The following PTGES3L variants were observed in gnomAD, a reference collection of about 807,000 sequenced individuals.
PTGES3L encodes putative protein PTGES3L.
PTGES3L carries 17 observed loss-of-function variants against 25.0 expected under a neutral mutation model. The ratio of observed to expected loss-of-function variants is 0.68; its 90% confidence interval spans 0.47 to 1.02. The LOEUF is 1.02. Ranked by LOEUF, PTGES3L falls within the 50% of genes least tolerant of loss-of-function variation. The pLI is 0.00. For synonymous variants in PTGES3L, 59 were observed against 65.7 expected (o/e 0.90, Z 0.50); for missense variants, 202 against 197.5 (o/e 1.02, Z -0.14).
At chr17:42,972,906 T>C (rs2049873735) in intron 4 of PTGES3L, among the ~76,000 whole-genome samples, 1 of 137,872 alleles carries the variant, frequency 7.3e-6, no homozygotes, top group Non-Finnish European at 1.6e-5. Context: ...CCATCACATC[T>C]AGGAAGTGAT....
chr17:42,968,813 C>G lies in PTGES3L; in HGVS notation c.*335G>C. The stretch of plus-strand genomic sequence containing the variant: ...CACACATAGTAGAGATTTCTATAAT[C>G]TGCATTCTTCTTTGGCTTTTGTTTT... On this transcript the variant is annotated 3_prime_UTR_variant, in exon 7 of 7. Transcript: ENST00000591916. The G allele has an allele frequency of 3.8e-6, 1 of 262,374 alleles. No individual in the cohort carries two copies. The highest frequency in any genetic ancestry group is 2.2e-5 in the African/African-American group (1 of 45,602). 16.3% of individuals were successfully genotyped at this position (262,374 alleles called of 1,614,324 possible).
chr17:42,973,946 C>T (rs1291496751), intron 4 of PTGES3L, among the ~76,000 whole-genome samples: 1 of 140,242 alleles, frequency 7.1e-6, no homozygotes, highest in Non-Finnish European at 1.5e-5. Context: ...TGTCCCATGA[C>T]CCTGCCAAAT....
chr17:42,976,780 G>A (rs1490506387), intron 4 of PTGES3L, among the ~76,000 whole-genome samples: 1 of 152,176 alleles, frequency 6.6e-6, no homozygotes, highest in Middle Eastern at 3.2e-3. Flanking sequence ...GACGACTTTG[G>A]AGGGCCTTAA....
Position 42,968,752 on chromosome 17 carries a change from C to A in PTGES3L, c.*396G>T, listed in dbSNP as rs899670004. On this transcript the variant is annotated 3_prime_UTR_variant, in exon 7 of 7. Coordinates refer to ENST00000591916, the MANE Select transcript of PTGES3L (RefSeq NM_001261430.2). Reference sequence around the variant, plus strand: ...ACAGTTCCTAGAGATTTATTATAATCTGTTTCTTCTTTGGCTTTTTGCTTT... The same window carrying A: ...ACAGTTCCTAGAGATTTATTATAATATGTTTCTTCTTTGGCTTTTTGCTTT... 5.9e-6 allele frequency: 1 copy of A among 169,084 alleles called. No homozygotes were observed. Among genetic ancestry groups the A allele is most frequent in the Admixed American group, 6.3e-5 (1 of 15,936 alleles). 10.5% of individuals were successfully genotyped at this position (169,084 alleles called of 1,614,324 possible).
rs1381613342 is a variant in PTGES3L at position 42,969,132 on chromosome 17, T to G, written c.*16A>C. The G allele has an allele frequency of 2.0e-6, 3 of 1,532,474 alleles. No individual in the cohort carries two copies. Among genetic ancestry groups the G allele is most frequent in the East Asian group, 5.1e-5 (2 of 38,936 alleles). 94.9% of individuals were successfully genotyped at this position (1,532,474 alleles called of 1,614,324 possible). A position where few individuals can be genotyped will look rare whatever the true frequency, so the allele number is the denominator to read the frequency against. On this transcript the variant is annotated 3_prime_UTR_variant, in exon 7 of 7. Transcript: ENST00000591916. The stretch of plus-strand genomic sequence containing the variant: ...AAATAGCCACAGCTGCCTTCCCAGC[T>G]TTGCGTCACAGAAAGTTAATTACTT...
At chr17:42,975,703 G>A (rs1381769869) in intron 4 of PTGES3L, among the ~76,000 whole-genome samples, 1 of 152,130 alleles carries the variant, frequency 6.6e-6, no homozygotes, top group Non-Finnish European at 1.5e-5. Context: ...CTGAGACAGA[G>A]TCTCACTCTG....
At chr17:42,970,428 C>T in intron 5 of PTGES3L, 86 bp from the exon 6 acceptor site, 1 of 1,475,244 alleles carries the variant, frequency 6.8e-7, no homozygotes, top group Non-Finnish European at 9.4e-7. Flanking sequence ...AGAATGGTTG[C>T]AGCCAGAACT....
chr17:42,970,332 T>C lies in PTGES3L; in HGVS notation c.389A>G (p.Lys130Arg), dbSNP rs1170308305. The C allele has an allele frequency of 6.2e-7, 1 of 1,613,408 alleles. No individual in the cohort carries two copies. The highest frequency in any genetic ancestry group is 1.7e-5 in the Admixed American group (1 of 60,004). Residue 130 changes from lysine to arginine, a missense_variant, in exon 6 of 7, where the codon AAG (lysine) becomes AGG (arginine). Coordinates refer to ENST00000591916, the MANE Select transcript of PTGES3L (RefSeq NM_001261430.2). The stretch of plus-strand genomic sequence containing the variant: ...AGGTGGAGGTCTCTTGGTGCTGACC[T>C]TCTTCAAAAGCTAGTGGGAAGAAAA... ...HVEHYAELLK[K>R]VSTKRPPPAM... is the part of the protein sequence containing the mutation.
At chr17:42,971,765 C>A in intron 4 of PTGES3L, 69 bp from the exon 5 acceptor site, 4 of 1,548,768 alleles carry the variant, frequency 2.6e-6, no homozygotes, top group Non-Finnish European at 2.7e-6. Flanking sequence ...AGAGTGTGGG[C>A]ATATGCATGG....
chr17:42,970,104 G>T lies in PTGES3L; in HGVS notation c.432+185C>A, dbSNP rs560676710. Among the ~76,000 whole-genome samples, 13 of 152,180 alleles carry T rather than the reference G, an allele frequency of 8.5e-5. No homozygotes were observed. In the East Asian group the frequency reaches 2.1e-3, roughly 25 times the overall value. ...ATCGGGCCACTGCACTCCAACCTGG[G>T]CGAAAGAGTGAAACTCCTCCCCCAC... On this transcript the variant is annotated intron_variant, in intron 6 of 6. Transcript: ENST00000591916.
intron 1 of PTGES3L, 80 bp from the exon 2 acceptor site, chr17:42,979,743 C>T: frequency 2.6e-6 from 4 of 1,529,968 alleles, no homozygotes; most frequent in Non-Finnish European, 2.7e-6. Flanking sequence ...TACCCAGGGA[C>T]CTTTGATGCC....
intron 4 of PTGES3L, among the ~76,000 whole-genome samples, chr17:42,976,410 G>C (rs534243662): frequency 6.6e-6 from 1 of 151,572 alleles, no homozygotes; most frequent in African/African-American, 2.4e-5. Flanking sequence ...ACGTTGTCTC[G>C]CTCTGTCGCC....
chr17:42,970,684 A>G (rs1249947139), intron 5 of PTGES3L, among the ~76,000 whole-genome samples: 82 of 30,844 alleles, frequency 2.7e-3, no homozygotes, highest in Admixed American at 3.7e-3. Flanking sequence ...GCGCACACAC[A>G]CACACACACA....
At chr17:42,978,775 C>T (rs2050012236) in intron 4 of PTGES3L, among the ~76,000 whole-genome samples, 1 of 152,072 alleles carries the variant, frequency 6.6e-6, no homozygotes, top group South Asian at 2.1e-4. Context: ...CCGAGGCGGG[C>T]AGATCACCTG....
intron 4 of PTGES3L, among the ~76,000 whole-genome samples, chr17:42,972,538 G>A (rs1208350523): frequency 6.6e-6 from 1 of 152,276 alleles, no homozygotes. Flanking sequence ...TGGCTGGGCC[G>A]GTCTCCAGCC....
chr17:42,974,700 A>C (rs978128255), intron 4 of PTGES3L, among the ~76,000 whole-genome samples: 1 of 151,026 alleles, frequency 6.6e-6, no homozygotes, highest in African/African-American at 2.4e-5. Context: ...TGGAACCCGG[A>C]AGGTGGAGGT....
chr17:42,979,981 A>C (rs2050045898), intron 1 of PTGES3L, 65 bp downstream of exon 1: 1 of 1,500,764 alleles, frequency 6.7e-7, no homozygotes, highest in African/African-American at 1.4e-5. Context: ...AGCGCCCAGA[A>C]GACTTGGAGC....
At chr17:42,976,182 C>T (rs1186524590) in intron 4 of PTGES3L, among the ~76,000 whole-genome samples, 1 of 151,776 alleles carries the variant, frequency 6.6e-6, no homozygotes, top group Non-Finnish European at 1.5e-5. Context: ...TGGGGTTTTG[C>T]CATGTTGGCC....
intron 4 of PTGES3L, chr17:42,971,916 G>T: frequency 4.0e-6 from 2 of 501,766 alleles, no homozygotes; most frequent in Non-Finnish European, 7.2e-6. Context: ...CCGGCCAGGC[G>T]TGGTGGCTCA....
Sources: allele counts gnomAD v4.1 joint callset (sites outside exome capture counted in the v4.1 genomes callset), GRCh38; gene constraint gnomAD v4.1.1; transcripts MANE v1.5; gene names NCBI Gene and HGNC (gene_info 2026-07-23, HGNC 2026-07-21).